ELMO1: variants seen among roughly 807,000 people sequenced by gnomAD.
ELMO1 encodes engulfment and cell motility protein 1.
A neutral mutation model predicts 98.9 loss-of-function variants in ELMO1; 26 were observed. That is an observed-to-expected ratio of 0.26 (90% CI 0.19 to 0.36). ELMO1 has a LOEUF of 0.36. ELMO1 is among the 10% of genes least tolerant of loss of function. The pLI is 1.00. For missense variants in ELMO1, 627 were observed against 935.2 expected, an observed-to-expected ratio of 0.67 and a Z score of 4.30; for synonymous variants, 346 against 346.0, an observed-to-expected ratio of 1.00 and a Z score of 0.00.
chr7:37,029,947 C>T (rs1794783413), intron 15 of ELMO1, among the ~76,000 whole-genome samples: 2 of 152,110 alleles, frequency 1.3e-5, no homozygotes, highest in Non-Finnish European at 1.5e-5. Flanking sequence ...GTCTTACTGA[C>T]TTATAATGAT....
intron 13 of ELMO1, among the ~76,000 whole-genome samples, chr7:37,197,607 C>T (rs893877508): frequency 1.3e-5 from 2 of 151,998 alleles, no homozygotes; most frequent in African/African-American, 4.8e-5. Context: ...AGAAGGCATG[C>T]TAGCTTTGCG....
chr7:37,152,912 C>T (rs1220668559), intron 13 of ELMO1, among the ~76,000 whole-genome samples: 1 of 152,068 alleles, frequency 6.6e-6, no homozygotes, highest in Non-Finnish European at 1.5e-5. Context: ...GGAGCAAAAT[C>T]CAAACAAATG....
At chr7:37,075,753 G>C (rs1584605442) in intron 15 of ELMO1, among the ~76,000 whole-genome samples, 1 of 152,164 alleles carries the variant, frequency 6.6e-6, no homozygotes, top group African/African-American at 2.4e-5. Flanking sequence ...GCCAGAAGTG[G>C]CACCAACAGA....
intron 1 of ELMO1, among the ~76,000 whole-genome samples, chr7:37,395,646 T>C (rs1803266656): frequency 6.6e-6 from 1 of 151,804 alleles, no homozygotes; most frequent in African/African-American, 2.4e-5. Flanking sequence ...TGATGGAAGA[T>C]GAAAACCCAG....
intron 13 of ELMO1, among the ~76,000 whole-genome samples, chr7:37,181,673 T>C (rs539761650): frequency 6.6e-6 from 1 of 152,290 alleles, no homozygotes; most frequent in South Asian, 2.1e-4. Flanking sequence ...AGTCCTCATA[T>C]CACAGATGAG....
chr7:36,919,550 G>A (rs1020545807), intron 16 of ELMO1: 8 of 364,396 alleles, frequency 2.2e-5, no homozygotes, highest in African/African-American at 4.2e-5. Flanking sequence ...CATCAACCTT[G>A]CTGGGTTGCT....
At chr7:37,080,086 A>G (rs1797783210) in intron 15 of ELMO1, among the ~76,000 whole-genome samples, 1 of 152,164 alleles carries the variant, frequency 6.6e-6, no homozygotes, top group Admixed American at 6.5e-5. Context: ...CTAGTCATCC[A>G]TCCTTCACTC....
chr7:36,897,237 A>G (rs4723589), intron 16 of ELMO1, among the ~76,000 whole-genome samples: 20,781 of 151,850 alleles, frequency 0.14, 1,737 homozygotes, highest in South Asian at 0.25. Flanking sequence ...CTTTCCCTCA[A>G]ATTGAGAGCT....
chr7:36,953,242 C>T (rs1008756057), intron 16 of ELMO1, among the ~76,000 whole-genome samples: 3 of 152,130 alleles, frequency 2.0e-5, no homozygotes, highest in Non-Finnish European at 4.4e-5. Flanking sequence ...GCTGGGATTA[C>T]AGGTATGAGC....
At position 36,855,473 on chromosome 7, in the gene ELMO1, C is replaced by G; in HGVS notation, c.*78G>C. The G allele has an allele frequency of 1.9e-6, 3 of 1,565,532 alleles. No homozygotes were observed. Among genetic ancestry groups the G allele is most frequent in the Non-Finnish European group, 2.6e-6 (3 of 1,140,176 alleles). ...CCTTTACCAAAGGACGGTTCCAAGG[C>G]GTGGGTGTGTTTTCATTCCTCTCTC... On this transcript the variant is annotated 3_prime_UTR_variant, in exon 22 of 22. Coordinates refer to ENST00000310758, the MANE Select transcript of ELMO1 (RefSeq NM_014800.11). This position sits in a 1 kb window ranked among gnomAD's most constrained non-coding sequence, Gnocchi z 4.2.
At chr7:36,965,665 A>T (rs1789360256) in intron 16 of ELMO1, among the ~76,000 whole-genome samples, 1 of 152,226 alleles carries the variant, frequency 6.6e-6, no homozygotes, top group African/African-American at 2.4e-5. Flanking sequence ...TCAGTACTGA[A>T]AATTGAAATC....
chr7:36,907,724 G>C (rs1184981259), intron 16 of ELMO1, among the ~76,000 whole-genome samples: 1 of 152,312 alleles, frequency 6.6e-6, no homozygotes, highest in Admixed American at 6.5e-5. Context: ...GTCCTTTGGA[G>C]GACACAGAAT....
chr7:37,190,040 C>CAAAAA (rs34898853), intron 13 of ELMO1, among the ~76,000 whole-genome samples: 1 of 135,838 alleles, frequency 7.4e-6, no homozygotes, highest in African/African-American at 2.7e-5. Context: ...TTGTCCCTAC[C>CAAAAA]AAAAAAAAAA....
At chr7:37,208,476 A>G (rs977693991) in intron 13 of ELMO1, among the ~76,000 whole-genome samples, 1 of 152,254 alleles carries the variant, frequency 6.6e-6, no homozygotes, top group African/African-American at 2.4e-5. Flanking sequence ...AAGTGATCCA[A>G]AAGATGATCC....
intron 1 of ELMO1, among the ~76,000 whole-genome samples, chr7:37,421,485 T>C (rs759492375): frequency 5.9e-5 from 9 of 152,230 alleles, no homozygotes; most frequent in Non-Finnish European, 1.5e-5. Context: ...ACAAGTTCCT[T>C]TGGGCCACGA....
At chr7:37,170,630 G>A (rs940798486) in intron 13 of ELMO1, among the ~76,000 whole-genome samples, 1 of 41,070 alleles carries the variant, frequency 2.4e-5, no homozygotes, top group Non-Finnish European at 5.1e-5. Flanking sequence ...TTTTTTTTTT[G>A]TCAGAGTCTC....
intron 13 of ELMO1, among the ~76,000 whole-genome samples, chr7:37,167,707 A>C (rs1004057799): frequency 6.6e-6 from 1 of 152,066 alleles, no homozygotes; most frequent in East Asian, 1.9e-4. Flanking sequence ...CCGAGAGATC[A>C]GCTGTTAGTC....
In ELMO1 at chr7:36,938,592, T is replaced by C. The variant is rs915492707; in HGVS notation, c.1438-43575A>G. Among the ~76,000 whole-genome samples, 6 of 152,350 alleles carry C rather than the reference T, an allele frequency of 3.9e-5. No individual in the cohort carries two copies. The East Asian group carries it at 1.2e-3, about 29-fold the overall frequency. The stretch of plus-strand genomic sequence containing the variant: ...TGCATTTGTATGTTTTAAGTTAAAA[T>C]AAAATATTTAAGGTATGCATATATC... On this transcript the variant is annotated intron_variant, in intron 16 of 21. Transcript: ENST00000310758.
At chr7:37,209,593 T>C (rs1383559065) in intron 13 of ELMO1, among the ~76,000 whole-genome samples, 1 of 152,212 alleles carries the variant, frequency 6.6e-6, no homozygotes, top group Non-Finnish European at 1.5e-5. Context: ...GTAATTTTGA[T>C]ATGACTTGAG....
Sources: allele counts gnomAD v4.1 joint callset (sites outside exome capture counted in the v4.1 genomes callset), GRCh38; gene constraint gnomAD v4.1.1; non-coding constraint Gnocchi (gnomAD v3.1); transcripts MANE v1.5; gene names NCBI Gene and HGNC (gene_info 2026-07-23, HGNC 2026-07-21).